Variants in TBC1D19 observed in about 807,000 individuals in gnomAD.
TBC1D19 encodes the protein TBC1 domain family, member 19.
TBC1D19 carries 60 observed loss-of-function variants against 89.0 expected under a neutral mutation model. The observed-to-expected ratio is 0.67, with a 90% CI of 0.55 to 0.84. The LOEUF is 0.84. TBC1D19 is among the 40% of genes least tolerant of loss of function. The pLI is 0.00. For missense variants in TBC1D19, 500 were observed against 610.8 expected (o/e 0.82, Z 1.91); for synonymous variants, 189 against 199.7 (o/e 0.95, Z 0.45).
chr4:26,695,375 G>A (rs1490659233), intron 13 of TBC1D19, among the ~76,000 whole-genome samples: 1 of 152,192 alleles, frequency 6.6e-6, no homozygotes, highest in African/African-American at 2.4e-5. Context: ...GACCAAATCT[G>A]TGTCTGATTG....
chr4:26,651,468 C>G (rs1315889223), intron 7 of TBC1D19, among the ~76,000 whole-genome samples: 1 of 152,086 alleles, frequency 6.6e-6, no homozygotes, highest in African/African-American at 2.4e-5. Context: ...ATTTTATTCT[C>G]TTTGTAGCAA....
chr4:26,613,197 T>C lies in TBC1D19; in HGVS notation c.128T>C (p.Leu43Pro). ...WASLQRPEIK[L>P]ESLKEDIKEF... ...AGTCTTCAGAGACCTGAGATTAAAC[T>C]TGAATCACTGAAAGAAGATATTAAG... The change falls in exon 2 of 21, where the codon CTT becomes CCT. Residue 43 changes from leucine to proline, a missense_variant. Transcript: ENST00000264866. The C allele has an allele frequency of 6.3e-7, 1 of 1,580,644 alleles. No individual in the cohort carries two copies. The highest frequency in any genetic ancestry group is 1.2e-5 in the South Asian group (1 of 85,406).
chr4:26,623,157 C>G (rs1053875425), intron 4 of TBC1D19, among the ~76,000 whole-genome samples: 1 of 152,124 alleles, frequency 6.6e-6, no homozygotes, highest in South Asian at 2.1e-4. Flanking sequence ...TCATGTTCTT[C>G]CTTACGTTTC....
chr4:26,720,037 AT>A (rs1481012838), intron 14 of TBC1D19, 43 bp from the exon 15 acceptor site: 1 of 1,484,946 alleles, frequency 6.7e-7, no homozygotes. Flanking sequence ...TTAAAGATTT[AT>A]TTACTTAATC....
At chr4:26,824,104 A>C in the TBC1D19 span, among the ~76,000 whole-genome samples, 1 of 152,242 alleles carries the variant, frequency 6.6e-6, no homozygotes, top group Non-Finnish European at 1.5e-5. Context: ...CTTACTTAAA[A>C]GACAATTGGC....
rs1719195750 is a variant in TBC1D19 at position 26,755,120 on chromosome 4, C to A, written c.*173C>A. 1 of 407,436 alleles carries A rather than the reference C, an allele frequency of 2.5e-6. No homozygotes were observed. The highest frequency in any genetic ancestry group is 4.3e-6 in the Non-Finnish European group (1 of 235,258). The allele number at this position is 407,436 out of a possible 1,614,324, so 25.2% of individuals were successfully genotyped here. A position where few individuals can be genotyped will look rare whatever the true frequency, so the allele number is the denominator to read the frequency against. ...CACTTTTTGAAACAATAACTCTGCA[C>A]CAAATATTGCATCGCATGCTGCTGA... On this transcript the variant is annotated 3_prime_UTR_variant, in exon 21 of 21. Coordinates refer to ENST00000264866, the MANE Select transcript of TBC1D19 (RefSeq NM_018317.4).
the TBC1D19 span, among the ~76,000 whole-genome samples, chr4:26,833,674 A>T: frequency 6.6e-6 from 1 of 152,240 alleles, no homozygotes; most frequent in Admixed American, 6.5e-5. Context: ...GCCATGGATA[A>T]TGGAACTTGT....
the TBC1D19 span, among the ~76,000 whole-genome samples, chr4:26,855,207 C>T: frequency 6.6e-6 from 1 of 152,214 alleles, no homozygotes; most frequent in African/African-American, 2.4e-5. Context: ...TGGGCCTTTG[C>T]ATCGGGTCCT....
chr4:26,630,442 T>G (rs1742735717), intron 4 of TBC1D19, among the ~76,000 whole-genome samples: 1 of 152,046 alleles, frequency 6.6e-6, no homozygotes, highest in Admixed American at 6.6e-5. Flanking sequence ...ATTTATTTAT[T>G]TTGGGGTGCT....
At chr4:26,777,596 T>C in the TBC1D19 span, among the ~76,000 whole-genome samples, 1 of 152,026 alleles carries the variant, frequency 6.6e-6, no homozygotes, top group Non-Finnish European at 1.5e-5. Context: ...TACAGGCGTG[T>C]ACCACCACAA....
the TBC1D19 span, among the ~76,000 whole-genome samples, chr4:26,778,138 G>A: frequency 1.3e-5 from 2 of 151,416 alleles, no homozygotes; most frequent in Non-Finnish European, 2.9e-5. Flanking sequence ...GAAAGAGGCC[G>A]GACACAGTGG....
intron 7 of TBC1D19, among the ~76,000 whole-genome samples, chr4:26,642,602 G>T (rs1453045804): frequency 6.6e-6 from 1 of 152,158 alleles, no homozygotes; most frequent in Non-Finnish European, 1.5e-5. Flanking sequence ...ATGTCAATGG[G>T]CTAAATTCCC....
intron 1 of TBC1D19, among the ~76,000 whole-genome samples, chr4:26,599,517 AACGTTG>A (rs1740453734): frequency 6.6e-6 from 1 of 152,206 alleles, no homozygotes; most frequent in African/African-American, 2.4e-5. Context: ...TCTTCTCTTA[AACGTTG>A]ACTGTATTTT....
chr4:26,621,474 A>C (rs1393253853), intron 4 of TBC1D19, among the ~76,000 whole-genome samples: 1 of 152,192 alleles, frequency 6.6e-6, no homozygotes, highest in Non-Finnish European at 1.5e-5. Flanking sequence ...TTGGTATGGA[A>C]TATTTCAAAG....
chr4:26,621,222 G>T (rs557738865), intron 4 of TBC1D19, among the ~76,000 whole-genome samples: 13 of 152,286 alleles, frequency 8.5e-5, no homozygotes, highest in African/African-American at 3.1e-4. Context: ...TAAAAACTAT[G>T]AATAGTTGTT....
At chr4:26,772,613 C>G in the TBC1D19 span, among the ~76,000 whole-genome samples, 1 of 152,080 alleles carries the variant, frequency 6.6e-6, no homozygotes, top group Non-Finnish European at 1.5e-5. Flanking sequence ...CTGATGCTCT[C>G]CCTCCCTCAT....
intron 13 of TBC1D19, among the ~76,000 whole-genome samples, chr4:26,688,655 G>A (rs548494752): frequency 2.8e-4 from 42 of 152,114 alleles, no homozygotes; most frequent in African/African-American, 9.9e-4. Context: ...TGGCAGGTAA[G>A]TTTTCTATCT....
intron 13 of TBC1D19, among the ~76,000 whole-genome samples, chr4:26,690,214 G>T (rs925261541): frequency 6.6e-6 from 1 of 152,146 alleles, no homozygotes; most frequent in African/African-American, 2.4e-5. Flanking sequence ...AGAGGAAGCT[G>T]GAGAAGAATA....
chr4:26,785,513 A>G, the TBC1D19 span, among the ~76,000 whole-genome samples: 3 of 152,246 alleles, frequency 2.0e-5, no homozygotes, highest in Non-Finnish European at 4.4e-5. Context: ...TGATGATGAC[A>G]TAGTTATTCC....
Sources: gnomAD v4.1 joint callset for allele counts (sites outside exome capture counted in the v4.1 genomes callset) on GRCh38, gnomAD v4.1.1 for gene constraint, MANE v1.5 for transcripts, NCBI Gene and HGNC (gene_info 2026-07-23, HGNC 2026-07-21) for gene names.